Variants in TLL1 observed in about 807,000 individuals in gnomAD.
TLL1 encodes tolloid-like protein 1.
In TLL1, 49 loss-of-function variants were observed where a neutral mutation model predicts 128.2. The observed-to-expected ratio is 0.38, with a 90% CI of 0.30 to 0.48. TLL1 has a LOEUF of 0.48. Among genes scored for constraint, TLL1 ranks in the 20% least tolerant of loss-of-function variants. TLL1 has a pLI of 0.96. For synonymous variants in TLL1, 454 were observed against 418.8 expected (o/e 1.08, Z -1.03); for missense variants, 1,123 against 1,242.0 (o/e 0.90, Z 1.44).
At position 165,992,989 on chromosome 4, in the gene TLL1, T is replaced by C. The variant is rs1172165619; in HGVS notation, c.361+105T>C. The C allele has an allele frequency of 7.9e-5, 75 of 953,218 alleles. 1 individual carries two copies. The East Asian group carries it at 1.9e-3, about 24-fold the overall frequency. The allele number at this position is 953,218 out of a possible 1,614,324, so 59.0% of individuals were successfully genotyped here. On this transcript the variant is annotated intron_variant, in intron 3 of 20. Coordinates refer to ENST00000061240, the MANE Select transcript of TLL1 (RefSeq NM_012464.5). ...ATCAGTGTGCCATTATGATGTGAAG[T>C]ATGTAAATGATATATTCTAAAACTT...
chr4:166,008,550 A>G (rs1039953164), intron 7 of TLL1, among the ~76,000 whole-genome samples: 2 of 151,606 alleles, frequency 1.3e-5, no homozygotes, highest in Non-Finnish European at 3.0e-5. Flanking sequence ...TTGTCAAATA[A>G]CAAATTAGAA....
rs2111172342 is a variant in TLL1 at position 166,103,659 on chromosome 4, T to G, written c.*2783T>G. 6.6e-6 allele frequency: 1 copy of G among 151,994 alleles called. No individual in the cohort carries two copies. Among genetic ancestry groups the G allele is most frequent in the Non-Finnish European group, 1.5e-5 (1 of 67,856 alleles). 9.4% of individuals were successfully genotyped at this position (151,994 alleles called of 1,614,324 possible). A position where few individuals can be genotyped will look rare whatever the true frequency, so the allele number is the denominator to read the frequency against. On this transcript the variant is annotated 3_prime_UTR_variant, in exon 21 of 21. Coordinates refer to ENST00000061240, the MANE Select transcript of TLL1 (RefSeq NM_012464.5). ...TACCACATATTATTTTTATATTAAT[T>G]CAACATTTGCCTTAAGTGTGTTGTT... is the stretch of plus-strand genomic sequence containing the variant.
intron 7 of TLL1, among the ~76,000 whole-genome samples, chr4:166,013,618 A>G (rs375376360): frequency 9.9e-5 from 15 of 151,978 alleles, no homozygotes; most frequent in Admixed American, 3.9e-4. Flanking sequence ...ATAGCCTCCC[A>G]GTTCATTTAA....
intron 1 of TLL1, among the ~76,000 whole-genome samples, chr4:165,984,306 G>A (rs1736297145): frequency 6.6e-6 from 1 of 151,718 alleles, no homozygotes; most frequent in African/African-American, 2.4e-5. Flanking sequence ...TCATGTTGGG[G>A]GAGATTTATT....
chr4:166,079,416 A>G (rs1411882344), intron 18 of TLL1, among the ~76,000 whole-genome samples: 2 of 152,144 alleles, frequency 1.3e-5, no homozygotes, highest in African/African-American at 2.4e-5. Flanking sequence ...TGCATATAGA[A>G]TTCTAGGATG....
intron 12 of TLL1, among the ~76,000 whole-genome samples, chr4:166,052,957 G>A (rs1440124050): frequency 2.1e-4 from 10 of 48,656 alleles, no homozygotes; most frequent in Admixed American, 1.5e-3. Flanking sequence ...TGAGATAAGA[G>A]GTTATGTGTA....
chr4:165,887,358 A>G (rs1266400188), intron 1 of TLL1, among the ~76,000 whole-genome samples: 1 of 152,096 alleles, frequency 6.6e-6, no homozygotes, highest in Non-Finnish European at 1.5e-5. Context: ...AGCCACAGAA[A>G]AGAGGGATTG....
intron 12 of TLL1, among the ~76,000 whole-genome samples, chr4:166,045,036 C>T (rs2111097017): frequency 6.6e-6 from 1 of 152,264 alleles, no homozygotes; most frequent in Non-Finnish European, 1.5e-5. Flanking sequence ...CACTTAGAAC[C>T]ATGCCTGACA....
At chr4:166,040,451 C>A (rs1050484863) in intron 10 of TLL1, among the ~76,000 whole-genome samples, 2 of 152,124 alleles carry the variant, frequency 1.3e-5, no homozygotes, top group Admixed American at 1.3e-4. Context: ...ATTAGAGAAA[C>A]AAATCTAGAG....
chr4:166,084,772 C>T (rs917053328), intron 18 of TLL1, among the ~76,000 whole-genome samples: 9 of 152,030 alleles, frequency 5.9e-5, no homozygotes, highest in African/African-American at 1.7e-4. Flanking sequence ...TACGCTGTTT[C>T]GGTTACAATA....
At chr4:165,895,075 T>A (rs1731610495) in intron 1 of TLL1, among the ~76,000 whole-genome samples, 1 of 152,152 alleles carries the variant, frequency 6.6e-6, no homozygotes, top group Non-Finnish European at 1.5e-5. Flanking sequence ...TCTTCACATG[T>A]TAATTTGTTA....
At chr4:165,964,049 A>G (rs1486743796) in intron 1 of TLL1, among the ~76,000 whole-genome samples, 1 of 152,192 alleles carries the variant, frequency 6.6e-6, no homozygotes, top group Non-Finnish European at 1.5e-5. Flanking sequence ...GCAGAGTCTC[A>G]TTAAAATTTT....
intron 18 of TLL1, 98 bp downstream of exon 18, chr4:166,078,128 G>T (rs192809297): frequency 2.3e-5 from 36 of 1,562,334 alleles, no homozygotes; most frequent in Non-Finnish European, 2.0e-5. Flanking sequence ...TAATTGAATC[G>T]AATCGTAGGC....
rs550726584 is a variant in TLL1 at position 165,962,952 on chromosome 4, G to T, written c.170-26429G>T. On this transcript the variant is annotated intron_variant, in intron 1 of 20. Transcript: ENST00000061240. ...TGCCTGTAATCCCAGCTACTAGGGA[G>T]ACTGAGGCACAAGAAACACTTGAAC... 4.7e-5 allele frequency among the ~76,000 whole-genome samples: 7 copies of T among 148,786 alleles called. No homozygotes were observed. The East Asian group carries it at 1.4e-3, about 30-fold the overall frequency.
At chr4:166,016,556 G>A (rs1426933135) in intron 8 of TLL1, among the ~76,000 whole-genome samples, 1 of 151,888 alleles carries the variant, frequency 6.6e-6, no homozygotes, top group Admixed American at 6.6e-5. Context: ...ATAATTAGAA[G>A]TATAGTTTCT....
At chr4:165,883,003 G>C (rs916293765) in intron 1 of TLL1, among the ~76,000 whole-genome samples, 1 of 152,018 alleles carries the variant, frequency 6.6e-6, no homozygotes, top group African/African-American at 2.4e-5. Flanking sequence ...GTGACCAAGA[G>C]TTAACGCACA....
At chr4:165,974,172 G>C (rs1735767054) in intron 1 of TLL1, among the ~76,000 whole-genome samples, 1 of 98,792 alleles carries the variant, frequency 1.0e-5, no homozygotes, top group Non-Finnish European at 1.7e-5. Flanking sequence ...ACGGAGTCTC[G>C]CTCTGTCGCC....
chr4:165,925,219 C>T (rs748728108), intron 1 of TLL1, among the ~76,000 whole-genome samples: 65 of 152,112 alleles, frequency 4.3e-4, no homozygotes, highest in Non-Finnish European at 1.3e-4. Flanking sequence ...ATAGTGATTC[C>T]TCTGATGGAT....
At chr4:165,954,434 G>T (rs1429728531) in intron 1 of TLL1, among the ~76,000 whole-genome samples, 2 of 152,034 alleles carry the variant, frequency 1.3e-5, no homozygotes, top group Admixed American at 6.6e-5. Context: ...AATAGTACTG[G>T]GAGAAAAACA....
Sources: allele counts gnomAD v4.1 joint callset (sites outside exome capture counted in the v4.1 genomes callset), GRCh38; gene constraint gnomAD v4.1.1; transcripts MANE v1.5; gene names NCBI Gene and HGNC (gene_info 2026-07-23, HGNC 2026-07-21).